The following RERG variants were observed in gnomAD, a reference collection of about 807,000 sequenced individuals.
The protein encoded by RERG is ras-related and estrogen-regulated growth inhibitor.
A neutral mutation model predicts 23.2 loss-of-function variants in RERG; 25 were observed. The observed-to-expected ratio is 1.08, with a 90% CI of 0.79 to 1.50. The LOEUF is 1.50. Ranked by LOEUF, RERG falls within the 40% of genes most tolerant of loss-of-function variation. RERG has a pLI of 0.00. For synonymous variants in RERG, 81 were observed against 89.1 expected (o/e 0.91, Z 0.51); for missense variants, 253 against 250.1 (o/e 1.01, Z -0.08).
At chr12:15,180,233 A>G (rs1864905447) in intron 2 of RERG, among the ~76,000 whole-genome samples, 1 of 152,204 alleles carries the variant, frequency 6.6e-6, no homozygotes, top group Non-Finnish European at 1.5e-5. Context: ...TATGTAGTGA[A>G]CAAAGATCAG....
At chr12:15,216,714 T>C (rs1451783117) in intron 2 of RERG, among the ~76,000 whole-genome samples, 2 of 152,246 alleles carry the variant, frequency 1.3e-5, no homozygotes, top group Non-Finnish European at 2.9e-5. Flanking sequence ...ACTTTGGAAT[T>C]CTTTAATTAT....
At chr12:15,175,382 T>C (rs1864836253) in intron 2 of RERG, among the ~76,000 whole-genome samples, 1 of 146,936 alleles carries the variant, frequency 6.8e-6, no homozygotes, top group Admixed American at 6.8e-5. Context: ...TGTGTGTGTG[T>C]GTGTGTTGGG....
intron 2 of RERG, among the ~76,000 whole-genome samples, chr12:15,171,363 T>C (rs1304649883): frequency 6.6e-6 from 1 of 152,204 alleles, no homozygotes; most frequent in Non-Finnish European, 1.5e-5. Flanking sequence ...AATAAATGAT[T>C]TAATTAACAC....
intron 2 of RERG, among the ~76,000 whole-genome samples, chr12:15,158,012 C>G (rs1001752004): frequency 6.6e-6 from 1 of 152,040 alleles, no homozygotes; most frequent in Non-Finnish European, 1.5e-5. Context: ...ATTTTGCCTC[C>G]TTACATTTAA....
At chr12:15,203,668 A>G (rs1203601252) in intron 2 of RERG, among the ~76,000 whole-genome samples, 2 of 151,690 alleles carry the variant, frequency 1.3e-5, no homozygotes, top group African/African-American at 4.8e-5. Context: ...AGCAAACCCT[A>G]AAGACTCCAC....
intron 3 of RERG, among the ~76,000 whole-genome samples, chr12:15,115,229 T>A (rs564211438): frequency 6.6e-6 from 1 of 152,178 alleles, no homozygotes; most frequent in African/African-American, 2.4e-5. Flanking sequence ...TAAACACTTA[T>A]GTTAACTCAT....
intron 2 of RERG, among the ~76,000 whole-genome samples, chr12:15,157,111 T>C (rs1864533810): frequency 6.6e-6 from 1 of 152,222 alleles, no homozygotes; most frequent in Non-Finnish European, 1.5e-5. Flanking sequence ...CTGTAGTGGA[T>C]GGCCTCCGTT....
At chr12:15,209,266 T>C (rs1015907616) in intron 2 of RERG, among the ~76,000 whole-genome samples, 1 of 152,192 alleles carries the variant, frequency 6.6e-6, no homozygotes, top group Admixed American at 6.5e-5. Flanking sequence ...TTTTTCAAAG[T>C]ACCTTCAGTG....
At chr12:15,137,061 C>G (rs1864155961) in intron 2 of RERG, among the ~76,000 whole-genome samples, 2 of 151,916 alleles carry the variant, frequency 1.3e-5, no homozygotes, top group South Asian at 4.2e-4. Context: ...TCAGGTTTTA[C>G]CTCACACATT....
At chr12:15,165,369 T>C (rs1051348391) in intron 2 of RERG, among the ~76,000 whole-genome samples, 3 of 152,178 alleles carry the variant, frequency 2.0e-5, no homozygotes, top group Non-Finnish European at 2.9e-5. Flanking sequence ...ATAAAGTTGC[T>C]CAAGCTCCAA....
At chr12:15,162,244 G>C (rs1458448472) in intron 2 of RERG, among the ~76,000 whole-genome samples, 2 of 152,210 alleles carry the variant, frequency 1.3e-5, no homozygotes, top group Admixed American at 1.3e-4. Context: ...TATGCACTGA[G>C]TGAAACAAGG....
chr12:15,169,702 C>T (rs1285908035), intron 2 of RERG, among the ~76,000 whole-genome samples: 1 of 151,952 alleles, frequency 6.6e-6, no homozygotes, highest in Non-Finnish European at 1.5e-5. Flanking sequence ...CCTAGAGAAC[C>T]CTAATACAAA....
At chr12:15,114,592 G>A (rs527254479) in intron 3 of RERG, 1 of 152,272 alleles carries the variant, frequency 6.6e-6, no homozygotes, top group South Asian at 2.1e-4. Context: ...TGCCTGACTA[G>A]GTTACAGGCA....
chr12:15,174,502 A>G (rs541463750), intron 2 of RERG, among the ~76,000 whole-genome samples: 9,723 of 150,446 alleles, frequency 0.065, 1,049 homozygotes, highest in African/African-American at 0.22. Context: ...GTGTGTATAT[A>G]TATATATTTA....
chr12:15,172,243 T>C (rs1864787669), intron 2 of RERG, among the ~76,000 whole-genome samples: 1 of 152,214 alleles, frequency 6.6e-6, no homozygotes, highest in Non-Finnish European at 1.5e-5. Context: ...ATGTGGTCTT[T>C]TATGACTAGT....
At chr12:15,200,762 A>T (rs939441231) in intron 2 of RERG, among the ~76,000 whole-genome samples, 4 of 151,922 alleles carry the variant, frequency 2.6e-5, no homozygotes, top group Admixed American at 2.6e-4. Context: ...ACTTGACTAT[A>T]TATTTTCCTT....
At chr12:15,207,057 C>T (rs936847784) in intron 2 of RERG, among the ~76,000 whole-genome samples, 1 of 152,070 alleles carries the variant, frequency 6.6e-6, no homozygotes, top group African/African-American at 2.4e-5. Flanking sequence ...GTTAACGTGC[C>T]TGCACCAAGA....
intron 2 of RERG, among the ~76,000 whole-genome samples, chr12:15,127,033 C>T (rs1863961126): frequency 1.3e-5 from 2 of 152,110 alleles, no homozygotes; most frequent in Non-Finnish European, 2.9e-5. Context: ...AGCATTTCTA[C>T]CTGCGGTATC....
chr12:15,196,687 T>C (rs1443025517), intron 2 of RERG, among the ~76,000 whole-genome samples: 4 of 152,184 alleles, frequency 2.6e-5, no homozygotes, highest in Non-Finnish European at 5.9e-5. Flanking sequence ...GGATGAGAAA[T>C]CATTTCTAAA....
Sources: gnomAD v4.1 joint callset for allele counts (sites outside exome capture counted in the v4.1 genomes callset) on GRCh38, gnomAD v4.1.1 for gene constraint, MANE v1.5 for transcripts, NCBI Gene and HGNC (gene_info 2026-07-23, HGNC 2026-07-21) for gene names.